Variants in SERPINI1 observed in about 807,000 individuals in gnomAD.
SERPINI1 encodes serpin family I member 1.
Under a neutral mutation model 41.1 loss-of-function variants are expected in SERPINI1, and 19 were observed. The observed-to-expected ratio is 0.46, with a 90% CI of 0.32 to 0.68. The LOEUF is 0.68. Among genes scored for constraint, SERPINI1 ranks in the 30% least tolerant of loss-of-function variants. The pLI is 0.03. For synonymous variants in SERPINI1, 138 were observed against 156.6 expected, an observed-to-expected ratio of 0.88 and a Z score of 0.89; for missense variants, 460 against 479.2, an observed-to-expected ratio of 0.96 and a Z score of 0.37.
At chr3:167,788,825 G>T (rs1428692152) in intron 1 of SERPINI1, among the ~76,000 whole-genome samples, 2 of 152,168 alleles carry the variant, frequency 1.3e-5, no homozygotes, top group African/African-American at 2.4e-5. Flanking sequence ...TCCATTCAAA[G>T]TCATGATCAA....
At chr3:167,735,861 C>G (rs1436622837) in intron 1 of SERPINI1, 38 bp downstream of exon 1, 1 of 152,210 alleles carries the variant, frequency 6.6e-6, no homozygotes, top group Non-Finnish European at 1.5e-5. Flanking sequence ...CTGCACTGCC[C>G]TGGAGAAAAC....
intron 5 of SERPINI1, 56 bp from the exon 6 acceptor site, chr3:167,807,188 T>C: frequency 8.7e-7 from 1 of 1,145,436 alleles, no homozygotes; most frequent in Non-Finnish European, 1.3e-6. Flanking sequence ...ACTTTGTTCT[T>C]GTTCCAGGTA....
At chr3:167,758,839 A>T (rs1726277061) in intron 1 of SERPINI1, among the ~76,000 whole-genome samples, 1 of 152,220 alleles carries the variant, frequency 6.6e-6, no homozygotes, top group Non-Finnish European at 1.5e-5. Context: ...GAGAAACTGA[A>T]TGAAGGATAT....
chr3:167,803,155 T>C (rs1388198898), intron 5 of SERPINI1, among the ~76,000 whole-genome samples: 9 of 151,782 alleles, frequency 5.9e-5, no homozygotes. Flanking sequence ...AGGGATAGCA[T>C]TGGGATATAT....
intron 1 of SERPINI1, among the ~76,000 whole-genome samples, chr3:167,749,884 C>T (rs558900978): frequency 4.7e-4 from 72 of 152,266 alleles, no homozygotes; most frequent in African/African-American, 1.7e-3. Flanking sequence ...CGGAAGGGTT[C>T]ATGTCTTGAC....
chr3:167,771,317 A>G (rs1396971467), intron 1 of SERPINI1, among the ~76,000 whole-genome samples: 1 of 148,422 alleles, frequency 6.7e-6, no homozygotes, highest in Non-Finnish European at 1.5e-5. Flanking sequence ...GAAATGTTAT[A>G]AAGATGATTT....
intron 1 of SERPINI1, among the ~76,000 whole-genome samples, chr3:167,758,657 A>T (rs1053633963): frequency 1.3e-5 from 2 of 152,222 alleles, no homozygotes; most frequent in Non-Finnish European, 2.9e-5. Context: ...GAGACTAAGG[A>T]CATGTGGCAA....
At chr3:167,817,557 AT>A (rs1402167981) in intron 6 of SERPINI1, among the ~76,000 whole-genome samples, 1 of 151,288 alleles carries the variant, frequency 6.6e-6, no homozygotes, top group Non-Finnish European at 1.5e-5. Context: ...CAAATATTCT[AT>A]TTTTTTCCTT....
chr3:167,810,680 G>A (rs963494043), intron 6 of SERPINI1, among the ~76,000 whole-genome samples: 1 of 152,164 alleles, frequency 6.6e-6, no homozygotes. Context: ...GAAGGATGGA[G>A]TGGCTGTGGC....
chr3:167,759,400 G>GTATATATATATATATATAAATATATA (rs1726301755), intron 1 of SERPINI1, among the ~76,000 whole-genome samples: 1 of 121,118 alleles, frequency 8.3e-6, no homozygotes, highest in African/African-American at 3.0e-5. Context: ...AGAAAATGTG[G>GTATATATATATATATATAAATATATA]TATATATATA....
In SERPINI1 at chr3:167,789,369, C is replaced by A. The variant is rs1349857137; in HGVS notation, c.241C>A (p.Leu81Ile). ...CCGCCACTCAATGGGATATGACAGC[C>A]TAAAAAATGGTAAGAGTGATCAGGT... ...EIRHSMGYDS[L>I]KNGEEFSFLK... Residue 81 changes from leucine (L) to isoleucine (I), a missense_variant, in exon 2 of 9, where the codon CTA becomes ATA. Leu to Ile is a conservative substitution (Grantham distance 5). Coordinates refer to ENST00000446050, the MANE Select transcript of SERPINI1 (RefSeq NM_001122752.2). The A allele has an allele frequency of 6.2e-7, 1 of 1,613,958 alleles. No individual in the cohort carries two copies. The highest frequency in any genetic ancestry group is 8.5e-7 in the Non-Finnish European group (1 of 1,179,902).
chr3:167,825,121 G>C, intron 8 of SERPINI1, 126 bp from the exon 9 acceptor site: 1 of 736,164 alleles, frequency 1.4e-6, no homozygotes, highest in Non-Finnish European at 2.5e-6. Context: ...GGAAGGACAG[G>C]AGGAAGGAAG....
intron 5 of SERPINI1, among the ~76,000 whole-genome samples, chr3:167,805,339 GTCT>G (rs1185652903): frequency 6.6e-6 from 1 of 152,134 alleles, no homozygotes; most frequent in Non-Finnish European, 1.5e-5. Context: ...CTGCATAAAT[GTCT>G]TCTTTTGAGA....
intron 8 of SERPINI1, 28 bp from the exon 9 acceptor site, chr3:167,825,217 CCT>C: frequency 7.3e-7 from 1 of 1,370,144 alleles, no homozygotes; most frequent in Non-Finnish European, 1.0e-6. Flanking sequence ...TTGTTCACCC[CCT>C]CTTTTGTTTA....
intron 1 of SERPINI1, among the ~76,000 whole-genome samples, chr3:167,774,301 T>C (rs1248873032): frequency 6.6e-6 from 1 of 152,196 alleles, no homozygotes; most frequent in Admixed American, 6.5e-5. Context: ...ATTAGTATTC[T>C]TCCTTATTTG....
intron 1 of SERPINI1, among the ~76,000 whole-genome samples, chr3:167,775,996 C>G (rs1726959041): frequency 6.6e-6 from 1 of 152,108 alleles, no homozygotes; most frequent in Admixed American, 6.5e-5. Flanking sequence ...TTCTCACCTA[C>G]AAAATGGGGG....
At chr3:167,789,045 T>C in intron 1 of SERPINI1, 66 bp from the exon 2 acceptor site, 1 of 1,500,662 alleles carries the variant, frequency 6.7e-7, no homozygotes, top group Non-Finnish European at 9.1e-7. Context: ...CCTCCCAACA[T>C]ATCCTTCCAT....
intron 1 of SERPINI1, among the ~76,000 whole-genome samples, chr3:167,739,613 G>A (rs1452408772): frequency 1.3e-5 from 2 of 152,124 alleles, no homozygotes; most frequent in African/African-American, 4.8e-5. Flanking sequence ...AAAACCCAGG[G>A]CTCAACCACC....
At chr3:167,744,123 A>T (rs1357107526) in intron 1 of SERPINI1, among the ~76,000 whole-genome samples, 1 of 152,114 alleles carries the variant, frequency 6.6e-6, no homozygotes, top group East Asian at 1.9e-4. Flanking sequence ...TCAGCTCTAC[A>T]GTCAGACAAA....
Sources: allele counts gnomAD v4.1 joint callset (sites outside exome capture counted in the v4.1 genomes callset), GRCh38; gene constraint gnomAD v4.1.1; transcripts MANE v1.5; gene names NCBI Gene and HGNC (gene_info 2026-07-23, HGNC 2026-07-21).